PIBF1: variants seen among roughly 807,000 people sequenced by gnomAD.
PIBF1 encodes the protein progesterone immunomodulatory binding factor 1.
In PIBF1, 90 loss-of-function variants were observed where a neutral mutation model predicts 112.5. The ratio of observed to expected loss-of-function variants is 0.80; its 90% CI spans 0.67 to 0.95. The LOEUF (loss-of-function observed/expected upper bound fraction) is 0.95. Ranked by LOEUF, PIBF1 falls within the 40% of genes least tolerant of loss-of-function variation. The pLI is 0.00. For synonymous variants in PIBF1, 301 were observed against 288.6 expected (o/e 1.04, Z -0.44); for missense variants, 915 against 852.3 (o/e 1.07, Z -0.92).
chr13:72,838,728 T>C (rs2037466829), intron 9 of PIBF1, among the ~76,000 whole-genome samples: 1 of 152,170 alleles, frequency 6.6e-6, no homozygotes, highest in African/African-American at 2.4e-5. Flanking sequence ...GTTTTCTATC[T>C]TGTCTGCCTA....
At chr13:73,009,303 A>G (rs183323654) in intron 17 of PIBF1, among the ~76,000 whole-genome samples, 30 of 152,312 alleles carry the variant, frequency 2.0e-4, no homozygotes, top group African/African-American at 6.7e-4. Context: ...GGGTGAATCT[A>G]TTGCTTTACT....
intron 2 of PIBF1, among the ~76,000 whole-genome samples, chr13:72,785,359 T>G (rs937315643): frequency 6.6e-6 from 1 of 152,198 alleles, no homozygotes; most frequent in African/African-American, 2.4e-5. Context: ...TATTCATGGT[T>G]GTATTTCCAG....
chr13:72,864,985 G>A (rs926698321), intron 10 of PIBF1, among the ~76,000 whole-genome samples: 3 of 152,114 alleles, frequency 2.0e-5, no homozygotes, highest in African/African-American at 4.8e-5. Context: ...CTTCAGTGGT[G>A]TAGTCATCAT....
chr13:72,835,678 A>G (rs1016206657), intron 9 of PIBF1, among the ~76,000 whole-genome samples: 3 of 152,160 alleles, frequency 2.0e-5, no homozygotes, highest in Non-Finnish European at 4.4e-5. Context: ...CTGAGATATC[A>G]GTTCTTCCTG....
At chr13:72,999,108 T>G (rs760280416) in intron 17 of PIBF1, 113 bp downstream of exon 17, 44 of 666,074 alleles carry the variant, frequency 6.6e-5, no homozygotes, top group Non-Finnish European at 7.6e-5. Flanking sequence ...ACAAATATGT[T>G]TCATGAAAAG....
chr13:72,992,654 A>G lies in PIBF1; in HGVS notation c.2050-6168A>G, dbSNP rs1030359040. ...ACAAAAATGAAAGATAAAAAAATAA[A>G]AAAATAATTAGCCAGGCATGGTGGT... On this transcript the variant is annotated intron_variant, in intron 16 of 17. Coordinates refer to ENST00000326291, the MANE Select transcript of PIBF1 (RefSeq NM_006346.4). 2.0e-5 allele frequency among the ~76,000 whole-genome samples: 3 copies of G among 152,236 alleles called. No individual in the cohort carries two copies. In the East Asian group the frequency reaches 5.8e-4, roughly 30 times the overall value.
intron 12 of PIBF1, among the ~76,000 whole-genome samples, chr13:72,914,931 T>G (rs1175880959): frequency 6.6e-6 from 1 of 152,166 alleles, no homozygotes; most frequent in Non-Finnish European, 1.5e-5. Context: ...ACTTCCTAAT[T>G]TTTCTGTACA....
chr13:72,907,025 A>G (rs1022171809), intron 11 of PIBF1, among the ~76,000 whole-genome samples: 1 of 152,136 alleles, frequency 6.6e-6, no homozygotes, highest in South Asian at 2.1e-4. Flanking sequence ...AAGTTTCTAG[A>G]AAACACATTC....
At chr13:73,007,306 T>G (rs866490261) in intron 17 of PIBF1, among the ~76,000 whole-genome samples, 3 of 150,950 alleles carry the variant, frequency 2.0e-5, no homozygotes, top group East Asian at 3.9e-4. Flanking sequence ...TTTGTTTTTT[T>G]TTTTTTTTGA....
In PIBF1 at chr13:72,973,621, A is replaced by G. The variant is rs750653098; in HGVS notation, c.1995A>G (p.Leu665=). The change falls in exon 16 of 18, where the codon CTA becomes CTG. Residue 665 remains leucine, a synonymous_variant. Transcript: ENST00000326291. ...SNLNKEKSAL[L]QTKNQMALDL... ...TAAATAAAGAAAAGTCAGCTTTACTACAGACGAAGAATCAAATGGCATTAG... is the reference window on the plus strand; with the variant it reads ...TAAATAAAGAAAAGTCAGCTTTACTGCAGACGAAGAATCAAATGGCATTAG... 3 of 1,576,614 alleles carry G rather than the reference A, an allele frequency of 1.9e-6. No homozygotes were observed. The highest frequency in any genetic ancestry group is 1.9e-5 in the Admixed American group (1 of 52,578).
At chr13:72,843,806 T>C (rs2037718209) in intron 9 of PIBF1, among the ~76,000 whole-genome samples, 1 of 152,212 alleles carries the variant, frequency 6.6e-6, no homozygotes, top group South Asian at 2.1e-4. Flanking sequence ...GTTTCTCTGC[T>C]GTGCCCCAGA....
At chr13:72,813,397 T>C (rs2036114107) in intron 5 of PIBF1, among the ~76,000 whole-genome samples, 1 of 152,176 alleles carries the variant, frequency 6.6e-6, no homozygotes, top group Admixed American at 6.5e-5. Context: ...GTGTTCCAGT[T>C]ACGTATTGCT....
Position 72,980,008 on chromosome 13 carries a change from A to G in PIBF1, c.2049+6333A>G, listed in dbSNP as rs189927041. Among the ~76,000 whole-genome samples, 3 of 152,222 alleles carry G rather than the reference A, an allele frequency of 2.0e-5. No individual in the cohort carries two copies. The South Asian group carries it at 6.2e-4, about 32-fold the overall frequency. ...TTAGGGACTGATGAAGAGAGGAGGG[A>G]TGAGAATTGATGCCTAGGTTTTTGG... On this transcript the variant is annotated intron_variant, in intron 16 of 17. Coordinates refer to ENST00000326291, the MANE Select transcript of PIBF1 (RefSeq NM_006346.4).
intron 17 of PIBF1, among the ~76,000 whole-genome samples, chr13:73,006,199 A>T (rs549630060): frequency 2.0e-4 from 30 of 152,254 alleles, no homozygotes; most frequent in African/African-American, 7.2e-4. Context: ...GATTACAGGC[A>T]TAAGCCACCA....
intron 12 of PIBF1, among the ~76,000 whole-genome samples, chr13:72,912,955 T>TATATAGTATATA (rs2040944720): frequency 6.6e-6 from 1 of 151,792 alleles, no homozygotes; most frequent in Non-Finnish European, 1.5e-5. Context: ...ATGATTATAC[T>TATATAGTATATA]GTATGATTAT....
chr13:73,005,855 A>G (rs2044016280), intron 17 of PIBF1, among the ~76,000 whole-genome samples: 1 of 151,990 alleles, frequency 6.6e-6, no homozygotes, highest in South Asian at 2.1e-4. Flanking sequence ...GACTGAGGAG[A>G]ACAAAAGCTC....
At chr13:72,886,663 T>C (rs576658274) in intron 10 of PIBF1, among the ~76,000 whole-genome samples, 2 of 152,068 alleles carry the variant, frequency 1.3e-5, no homozygotes, top group Non-Finnish European at 2.9e-5. Context: ...CATGATATGA[T>C]AGATGCATTG....
chr13:72,834,078 T>C (rs894202662), intron 8 of PIBF1, among the ~76,000 whole-genome samples: 29 of 152,306 alleles, frequency 1.9e-4, no homozygotes, highest in African/African-American at 6.7e-4. Context: ...TATAGAAGTA[T>C]TTTTTTAAAG....
intron 13 of PIBF1, among the ~76,000 whole-genome samples, chr13:72,928,355 T>A (rs2041597328): frequency 6.6e-6 from 1 of 152,168 alleles, no homozygotes; most frequent in African/African-American, 2.4e-5. Context: ...TTGATTTTCC[T>A]TACTTGGAAT....
Sources: gnomAD v4.1 joint callset for allele counts (sites outside exome capture counted in the v4.1 genomes callset) on GRCh38, gnomAD v4.1.1 for gene constraint, MANE v1.5 for transcripts, NCBI Gene and HGNC (gene_info 2026-07-23, HGNC 2026-07-21) for gene names.